SORCS1: variants seen among roughly 807,000 people sequenced by gnomAD.
The protein encoded by SORCS1 is sortilin related VPS10 domain containing receptor 1, also known as VPS10 domain-containing receptor SorCS1.
A neutral mutation model predicts 146.1 loss-of-function variants in SORCS1; 60 were observed. That is an observed-to-expected ratio of 0.41 (90% CI 0.33 to 0.51). The LOEUF (loss-of-function observed/expected upper bound fraction) is 0.51, where lower values mean the gene tolerates loss of function less well. Among genes scored for constraint, SORCS1 ranks in the 20% least tolerant of loss-of-function variants. The pLI is 0.21. For missense variants in SORCS1, 1,352 were observed against 1,487.6 expected, an observed-to-expected ratio of 0.91 and a Z score of 1.50; for synonymous variants, 637 against 584.0, an observed-to-expected ratio of 1.09 and a Z score of -1.31.
chr10:106,790,634 C>T (rs1437747959), intron 3 of SORCS1, among the ~76,000 whole-genome samples: 3 of 152,132 alleles, frequency 2.0e-5, no homozygotes, highest in Non-Finnish European at 4.4e-5. Context: ...ATGTAAGCCT[C>T]AAGCTTCAAT....
intron 18 of SORCS1, among the ~76,000 whole-genome samples, chr10:106,636,767 G>T (rs1231368929): frequency 6.6e-6 from 1 of 152,146 alleles, no homozygotes; most frequent in African/African-American, 2.4e-5. Flanking sequence ...AACCCTAAAA[G>T]AACTCAGACC....
At chr10:107,044,069 A>T (rs1033777464) in intron 1 of SORCS1, among the ~76,000 whole-genome samples, 3 of 151,978 alleles carry the variant, frequency 2.0e-5, no homozygotes, top group Non-Finnish European at 4.4e-5. Context: ...TTCTTTTCTA[A>T]TTTTTCTCTT....
At chr10:106,827,926 G>A (rs1043715738) in intron 3 of SORCS1, among the ~76,000 whole-genome samples, 1 of 152,180 alleles carries the variant, frequency 6.6e-6, no homozygotes, top group Non-Finnish European at 1.5e-5. Context: ...GCCATAAATT[G>A]TTAATGTCTA....
At chr10:106,772,368 C>T (rs573471415) in intron 4 of SORCS1, among the ~76,000 whole-genome samples, 1 of 152,244 alleles carries the variant, frequency 6.6e-6, no homozygotes, top group South Asian at 2.1e-4. Flanking sequence ...ATACCACTGG[C>T]ATTCTTGGTT....
chr10:107,026,784 C>T (rs1168861496), intron 1 of SORCS1, among the ~76,000 whole-genome samples: 1 of 151,868 alleles, frequency 6.6e-6, no homozygotes, highest in East Asian at 1.9e-4. Context: ...AGTAAAGCCA[C>T]CAAATTACAA....
At chr10:106,878,108 G>A (rs1950660943) in intron 2 of SORCS1, among the ~76,000 whole-genome samples, 1 of 151,730 alleles carries the variant, frequency 6.6e-6, no homozygotes, top group Non-Finnish European at 1.5e-5. Flanking sequence ...CATGACTTCA[G>A]GTCTCTGTTT....
At chr10:106,750,727 TCAAAAAAAAAAA>T (rs1447859013) in intron 5 of SORCS1, among the ~76,000 whole-genome samples, 1 of 14,868 alleles carries the variant, frequency 6.7e-5, no homozygotes, top group Admixed American at 1.3e-3. Flanking sequence ...AGACTCCCTC[TCAAAAAAAAAAA>T]AAAAAAAAAA....
At chr10:106,909,503 C>G (rs1952050282) in intron 2 of SORCS1, among the ~76,000 whole-genome samples, 1 of 152,094 alleles carries the variant, frequency 6.6e-6, no homozygotes, top group Admixed American at 6.6e-5. Context: ...TGCATCAGAC[C>G]AGCTCTGAAA....
chr10:106,673,141 T>TC (rs1483671862), intron 14 of SORCS1, among the ~76,000 whole-genome samples, 156 bp from the exon 15 acceptor site: 59 of 151,330 alleles, frequency 3.9e-4, no homozygotes, highest in African/African-American at 1.4e-3. Context: ...GGGTACTTTT[T>TC]TTTTTTTTTG....
chr10:106,704,580 C>T (rs989808681), intron 8 of SORCS1, among the ~76,000 whole-genome samples: 1 of 152,168 alleles, frequency 6.6e-6, no homozygotes. Context: ...GTCCCAGCTA[C>T]TCGGGAGGCT....
chr10:106,772,745 AAG>A (rs2136335801), intron 4 of SORCS1, among the ~76,000 whole-genome samples: 1 of 152,312 alleles, frequency 6.6e-6, no homozygotes, highest in East Asian at 1.9e-4. Context: ...TTGGACCAGA[AAG>A]GAACACCTGT....
chr10:106,968,096 G>T (rs1321886450), intron 1 of SORCS1, among the ~76,000 whole-genome samples: 1 of 151,756 alleles, frequency 6.6e-6, no homozygotes, highest in Non-Finnish European at 1.5e-5. Flanking sequence ...TGTAGTCCCA[G>T]TTACTCGGGA....
intron 2 of SORCS1, among the ~76,000 whole-genome samples, chr10:106,943,481 G>A (rs1029659847): frequency 2.0e-5 from 3 of 152,042 alleles, no homozygotes; most frequent in Admixed American, 1.3e-4. Flanking sequence ...CATTTGAGTT[G>A]TCTAACTCTA....
At chr10:106,882,808 G>A (rs563075482) in intron 2 of SORCS1, among the ~76,000 whole-genome samples, 2 of 152,222 alleles carry the variant, frequency 1.3e-5, no homozygotes, top group Non-Finnish European at 2.9e-5. Context: ...GAATTACATT[G>A]GATGGAGACG....
intron 3 of SORCS1, among the ~76,000 whole-genome samples, chr10:106,803,638 G>T (rs1159726631): frequency 6.6e-6 from 1 of 152,050 alleles, no homozygotes; most frequent in Non-Finnish European, 1.5e-5. Context: ...ATACATTTTG[G>T]TGTCTCTCCA....
intron 1 of SORCS1, among the ~76,000 whole-genome samples, chr10:107,021,689 T>C (rs181464217): frequency 1.2e-4 from 19 of 152,250 alleles, no homozygotes; most frequent in Admixed American, 7.8e-4. Context: ...TACCTAATTC[T>C]ATCATTTCAA....
intron 3 of SORCS1, among the ~76,000 whole-genome samples, chr10:106,811,067 G>C (rs370360470): frequency 1.3e-5 from 2 of 151,736 alleles, no homozygotes; most frequent in African/African-American, 4.8e-5. Context: ...AGCCTCCCAA[G>C]TAGCTGGGAT....
intron 5 of SORCS1, among the ~76,000 whole-genome samples, chr10:106,734,281 C>T (rs149013976): frequency 6.6e-6 from 1 of 152,200 alleles, no homozygotes; most frequent in African/African-American, 2.4e-5. Flanking sequence ...CTGGGATCTC[C>T]TCTCATCCTT....
At chr10:106,959,786 G>C (rs1416778388) in intron 1 of SORCS1, among the ~76,000 whole-genome samples, 1 of 152,232 alleles carries the variant, frequency 6.6e-6, no homozygotes, top group African/African-American at 2.4e-5. Flanking sequence ...AGCTGGGAGT[G>C]AGGTGCAGGA....
Sources: allele counts gnomAD v4.1 joint callset (sites outside exome capture counted in the v4.1 genomes callset), GRCh38; gene constraint gnomAD v4.1.1; transcripts MANE v1.5; gene names NCBI Gene and HGNC (gene_info 2026-07-23, HGNC 2026-07-21).